MACROD2: variants seen among roughly 807,000 people sequenced by gnomAD.
MACROD2 encodes mono-ADP ribosylhydrolase 2, also known as ADP-ribose glycohydrolase MACROD2.
In MACROD2, 36 loss-of-function variants were observed where a neutral mutation model predicts 70.4. That is an observed-to-expected ratio of 0.51 (90% CI 0.39 to 0.68). The LOEUF (loss-of-function observed/expected upper bound fraction) is 0.68. MACROD2 is among the 30% of genes least tolerant of loss of function. MACROD2 has a pLI of 0.00. For synonymous variants in MACROD2, 172 were observed against 178.8 expected, an observed-to-expected ratio of 0.96 and a Z score of 0.30; for missense variants, 496 against 538.4, an observed-to-expected ratio of 0.92 and a Z score of 0.78.
intron 8 of MACROD2, among the ~76,000 whole-genome samples, chr20:15,567,471 C>T (rs1046945553): frequency 6.6e-6 from 1 of 152,132 alleles, no homozygotes; most frequent in African/African-American, 2.4e-5. Context: ...ATAGAGAATG[C>T]GAATACCTCC....
chr20:15,917,856 G>GA (rs546538638), intron 10 of MACROD2, among the ~76,000 whole-genome samples: 2,506 of 140,090 alleles, frequency 0.018, 65 homozygotes, highest in African/African-American at 0.059. Context: ...GGGAAAAAAG[G>GA]AAAAAAAAAA....
intron 10 of MACROD2, among the ~76,000 whole-genome samples, chr20:15,921,783 T>G (rs1277507028): frequency 6.6e-6 from 1 of 152,200 alleles, no homozygotes; most frequent in East Asian, 1.9e-4. Flanking sequence ...TGGGGAGTGA[T>G]TCCCAGGAAG....
intron 5 of MACROD2, among the ~76,000 whole-genome samples, chr20:14,689,348 T>C (rs1318719497): frequency 6.6e-6 from 1 of 152,248 alleles, no homozygotes; most frequent in Non-Finnish European, 1.5e-5. Context: ...TACCAGAATA[T>C]GGGCACAGAT....
chr20:14,664,103 T>G (rs6135220), intron 4 of MACROD2, among the ~76,000 whole-genome samples: 77,262 of 151,830 alleles, frequency 0.51, 20,722 homozygotes, highest in African/African-American at 0.68. Context: ...AATTCTTCTT[T>G]TCCATTACTA....
intron 5 of MACROD2, among the ~76,000 whole-genome samples, chr20:14,782,316 A>G (rs2072311812): frequency 6.6e-6 from 1 of 152,132 alleles, no homozygotes; most frequent in Non-Finnish European, 1.5e-5. Flanking sequence ...TGGATCAAAT[A>G]ATGAAATAGA....
At chr20:14,782,768 A>G (rs565195039) in intron 5 of MACROD2, among the ~76,000 whole-genome samples, 14 of 152,188 alleles carry the variant, frequency 9.2e-5, no homozygotes, top group Admixed American at 8.5e-4. Flanking sequence ...GTTAATCTCA[A>G]GATCACTCCC....
chr20:15,692,548 G>A (rs1411436517), intron 8 of MACROD2, among the ~76,000 whole-genome samples: 2 of 152,092 alleles, frequency 1.3e-5, no homozygotes, highest in Admixed American at 6.5e-5. Context: ...GGTCCCAAAT[G>A]CAGTTATATT....
intron 6 of MACROD2, among the ~76,000 whole-genome samples, chr20:15,301,369 T>C (rs2077640755): frequency 6.6e-6 from 1 of 152,116 alleles, no homozygotes; most frequent in Admixed American, 6.6e-5. Flanking sequence ...CGGGGCCTGG[T>C]TGATGGGTTC....
intron 10 of MACROD2, among the ~76,000 whole-genome samples, chr20:15,896,245 C>A (rs948984432): frequency 2.6e-5 from 4 of 152,072 alleles, no homozygotes; most frequent in African/African-American, 9.7e-5. Flanking sequence ...CAACACTTGG[C>A]CCCATCTCTC....
intron 15 of MACROD2, among the ~76,000 whole-genome samples, chr20:15,994,512 A>G (rs2066601504): frequency 6.6e-6 from 1 of 152,226 alleles, no homozygotes; most frequent in Admixed American, 6.5e-5. Flanking sequence ...CTAAAACTTC[A>G]TCAGGTTCAG....
chr20:14,712,169 T>C (rs952564083), intron 5 of MACROD2, among the ~76,000 whole-genome samples: 9 of 152,156 alleles, frequency 5.9e-5, no homozygotes, highest in Non-Finnish European at 1.3e-4. Flanking sequence ...TTAAAAAATA[T>C]ATTTCTTTGA....
chr20:14,409,786 G>A (rs1413952229), intron 3 of MACROD2, among the ~76,000 whole-genome samples: 1 of 152,130 alleles, frequency 6.6e-6, no homozygotes, highest in Non-Finnish European at 1.5e-5. Flanking sequence ...GGGTTGGAGA[G>A]CGCATTGATA....
chr20:15,554,956 G>A (rs1420432), intron 8 of MACROD2, among the ~76,000 whole-genome samples: 3 of 152,174 alleles, frequency 2.0e-5, no homozygotes, highest in African/African-American at 7.2e-5. Context: ...AAATCTTTAA[G>A]GGAGAGAAAC....
intron 5 of MACROD2, among the ~76,000 whole-genome samples, chr20:15,141,915 G>T (rs6079678): frequency 0.59 from 89,279 of 151,660 alleles, 26,380 homozygotes; most frequent in East Asian, 0.65. Flanking sequence ...TCGAGCTTGT[G>T]CTTCCCAAGT....
rs536461815 is a variant in MACROD2 at position 14,864,575 on chromosome 20, G to A, written c.418+179616G>A. On this transcript the variant is annotated intron_variant, in intron 5 of 17. Transcript: ENST00000684519. ...AGTTGTTAGATAACTAATACTGTGC[G>A]AACAAATTTCTTTTCCCTATAGAGA... Among the ~76,000 whole-genome samples, 137 of 152,070 alleles carry A rather than the reference G, an allele frequency of 9.0e-4. 1 individual carries two copies. The highest frequency in any genetic ancestry group is 3.2e-3 in the African/African-American group (133 of 41,496).
intron 3 of MACROD2, among the ~76,000 whole-genome samples, chr20:14,311,427 C>T (rs1043276425): frequency 6.6e-6 from 1 of 152,126 alleles, no homozygotes; most frequent in African/African-American, 2.4e-5. Flanking sequence ...TGTGTAAGTG[C>T]ACTCTCTGGT....
At chr20:14,150,744 A>G (rs2055008182) in intron 3 of MACROD2, among the ~76,000 whole-genome samples, 1 of 152,078 alleles carries the variant, frequency 6.6e-6, no homozygotes, top group Admixed American at 6.5e-5. Flanking sequence ...GTAGTTTTTT[A>G]TTGGTTAGGG....
chr20:14,410,195 G>T (rs562600059), intron 3 of MACROD2, among the ~76,000 whole-genome samples: 124 of 149,234 alleles, frequency 8.3e-4, no homozygotes, highest in Non-Finnish European at 1.6e-3. Context: ...TAGGTTGGAG[G>T]TGAGGCCCAG....
chr20:14,459,566 G>T (rs905968522), intron 3 of MACROD2, among the ~76,000 whole-genome samples: 6 of 151,936 alleles, frequency 3.9e-5, no homozygotes, highest in African/African-American at 1.5e-4. Context: ...TTCTTCAGAA[G>T]TCAGTTCTTT....
Sources: allele counts gnomAD v4.1 joint callset (sites outside exome capture counted in the v4.1 genomes callset), GRCh38; gene constraint gnomAD v4.1.1; transcripts MANE v1.5; gene names NCBI Gene and HGNC (gene_info 2026-07-23, HGNC 2026-07-21).